The following CLDN14 variants were observed in gnomAD, a reference collection of about 807,000 sequenced individuals.
The protein encoded by CLDN14 is claudin-14.
A neutral mutation model predicts 2.1 loss-of-function variants in CLDN14; 2 were observed. That is an observed-to-expected ratio of 0.96 (90% CI 0.39 to 3.01). The LOEUF (loss-of-function observed/expected upper bound fraction) is 3.01, where lower values mean the gene tolerates loss of function less well. CLDN14 is among the 30% of genes most tolerant of loss of function. The pLI is 0.09. For missense variants in CLDN14, 298 were observed against 328.0 expected (o/e 0.91, Z 0.71); for synonymous variants, 136 against 154.4 (o/e 0.88, Z 0.88).
At chr21:36,556,945 C>T (rs1242952538) in intron 1 of CLDN14, among the ~76,000 whole-genome samples, 1 of 152,160 alleles carries the variant, frequency 6.6e-6, no homozygotes, top group Non-Finnish European at 1.5e-5. Context: ...AAGCAACTGC[C>T]CATTTCTCCC....
chr21:36,505,898 C>G (rs1043413106), intron 2 of CLDN14, among the ~76,000 whole-genome samples: 7 of 152,174 alleles, frequency 4.6e-5, no homozygotes, highest in Admixed American at 2.6e-4. Context: ...TGGCTTTTGT[C>G]TTCTCTGAAA....
chr21:36,558,669 T>G (rs543246564), intron 1 of CLDN14, among the ~76,000 whole-genome samples: 5 of 152,176 alleles, frequency 3.3e-5, no homozygotes, highest in Middle Eastern at 3.4e-3. Context: ...TTCAGATAGT[T>G]TACTGTTGGT....
intron 1 of CLDN14, among the ~76,000 whole-genome samples, chr21:36,574,798 TC>T (rs2087730400): frequency 6.6e-6 from 1 of 152,184 alleles, no homozygotes; most frequent in Non-Finnish European, 1.5e-5. Context: ...AACCATCTTT[TC>T]CATTTATCCT....
At chr21:36,532,797 AT>A (rs1568872117) in intron 1 of CLDN14, among the ~76,000 whole-genome samples, 3 of 152,162 alleles carry the variant, frequency 2.0e-5, no homozygotes, top group African/African-American at 7.2e-5. Flanking sequence ...ACGATCAGAA[AT>A]ATATTTGTCT....
intron 1 of CLDN14, among the ~76,000 whole-genome samples, chr21:36,562,243 A>G (rs2146524456): frequency 1.3e-5 from 2 of 152,246 alleles, no homozygotes; most frequent in Admixed American, 1.3e-4. Flanking sequence ...AGAGGGTGGG[A>G]AATCTGGCAG....
Position 36,498,004 on chromosome 21 carries a change from CT to C in CLDN14, c.-82+12358del, listed in dbSNP as rs891407982. On this transcript the variant is annotated intron_variant, in intron 2 of 2. Coordinates refer to the CLDN14 transcript ENST00000342108. This position sits in a 1 kb window ranked among gnomAD's most constrained non-coding sequence, Gnocchi z 4.9. Reference sequence around the variant, plus strand: ...CACTGTTGTCAGCGAGAGGAAGATGCTTTTTTTTTTTTTGAGATGGAGTTTT... The same window carrying C: ...CACTGTTGTCAGCGAGAGGAAGATGCTTTTTTTTTTTTGAGATGGAGTTTT... 2.2e-3 allele frequency among the ~76,000 whole-genome samples: 317 copies of C among 142,814 alleles called. No individual in the cohort carries two copies. Among genetic ancestry groups the C allele is most frequent in the Middle Eastern group, 3.6e-3 (1 of 276 alleles). 93.7% of individuals were successfully genotyped at this position (142,814 alleles called of 152,430 possible).
intron 2 of CLDN14, among the ~76,000 whole-genome samples, chr21:36,505,565 C>A (rs1043892041): frequency 6.6e-6 from 1 of 152,190 alleles, no homozygotes; most frequent in Non-Finnish European, 1.5e-5. Flanking sequence ...CCTCTGAACC[C>A]ACAGTCAGCA....
intron 1 of CLDN14, among the ~76,000 whole-genome samples, chr21:36,526,092 A>G (rs1441464566): frequency 1.3e-5 from 2 of 152,170 alleles, no homozygotes; most frequent in African/African-American, 4.8e-5. Flanking sequence ...TGAGAACCAC[A>G]GATTGGAATC....
chr21:36,542,822 G>T, intron 1 of CLDN14: 1 of 152,942 alleles, frequency 6.5e-6, no homozygotes. Context: ...TGTGGGCTCC[G>T]AGTCCCTCCC....
rs1311209864 is a variant in CLDN14, at chr21:36,465,036, G to A, written c.-81-3260C>T. Among the ~76,000 whole-genome samples the A allele has an allele frequency of 2.0e-5, 3 of 152,266 alleles. No individual in the cohort carries two copies. The East Asian group carries it at 5.8e-4, about 29-fold the overall frequency. Reference sequence around the variant, plus strand: ...GCAACCAACTGCCCTGCTTTGCTAGGGACTGAGGGGTTGCCCAGGACAGGG... The same window carrying A: ...GCAACCAACTGCCCTGCTTTGCTAGAGACTGAGGGGTTGCCCAGGACAGGG... On this transcript the variant is annotated intron_variant, in intron 1 of 1. Coordinates refer to ENST00000399135, the MANE Select transcript of CLDN14 (RefSeq NM_001146079.2).
At chr21:36,478,784 G>A (rs2086808092) in intron 1 of CLDN14, among the ~76,000 whole-genome samples, 1 of 152,218 alleles carries the variant, frequency 6.6e-6, no homozygotes, top group Non-Finnish European at 1.5e-5. Context: ...TTTGGGGACG[G>A]TCTCAGGACA....
rs1169409606 is a variant in CLDN14 at position 36,479,772 on chromosome 21, T to G, written c.-359A>C. On this transcript the variant is annotated 5_prime_UTR_variant, in exon 1 of 2. It removes an upstream start codon present in the reference 5' UTR. Transcript: ENST00000399135. ...GGAGGTGGCTTGGCCAGAGCAGACA[T>G]TCAAGACCAACCAGAAATGTCATTT... 1 of 152,190 alleles carries G rather than the reference T, an allele frequency of 6.6e-6. No individual in the cohort carries two copies. The highest frequency in any genetic ancestry group is 1.9e-4 in the East Asian group (1 of 5,184). The allele number at this position is 152,190 out of a possible 1,614,324, so 9.4% of individuals were successfully genotyped here. A position where few individuals can be genotyped will look rare whatever the true frequency, so the allele number is the denominator to read the frequency against.
At chr21:36,478,581 C>T (rs1403159070) in intron 1 of CLDN14, among the ~76,000 whole-genome samples, 6 of 152,210 alleles carry the variant, frequency 3.9e-5, no homozygotes, top group South Asian at 2.1e-4. Flanking sequence ...CGGGCATGAA[C>T]GCTGAGCTCA....
chr21:36,515,595 T>G (rs1223866484), intron 1 of CLDN14, among the ~76,000 whole-genome samples: 1 of 149,434 alleles, frequency 6.7e-6, no homozygotes, highest in African/African-American at 2.5e-5. Flanking sequence ...ATCACTTAAA[T>G]CTGGGAGGTG....
chr21:36,522,071 C>A (rs572814133), intron 1 of CLDN14, among the ~76,000 whole-genome samples: 1 of 152,264 alleles, frequency 6.6e-6, no homozygotes, highest in Non-Finnish European at 1.5e-5. Flanking sequence ...CAACTCCAAG[C>A]AAAAATCTTG....
intron 1 of CLDN14, among the ~76,000 whole-genome samples, chr21:36,515,305 A>C (rs1025448484): frequency 6.6e-6 from 1 of 152,190 alleles, no homozygotes; most frequent in Admixed American, 6.5e-5. Flanking sequence ...GAAACAACTC[A>C]ATGTCCATCG....
chr21:36,468,170 T>A (rs536181295), intron 1 of CLDN14, among the ~76,000 whole-genome samples: 6 of 152,342 alleles, frequency 3.9e-5, no homozygotes, highest in African/African-American at 1.4e-4. Context: ...AACATAGTCA[T>A]TGGCCCTTCA....
intron 1 of CLDN14, among the ~76,000 whole-genome samples, chr21:36,527,072 A>G (rs2087337331): frequency 6.6e-6 from 1 of 152,246 alleles, no homozygotes; most frequent in African/African-American, 2.4e-5. Flanking sequence ...ACACCTTAAA[A>G]GGGCAAACTT....
At chr21:36,487,291 GT>G in intron 2 of CLDN14, 1 of 223,876 alleles carries the variant, frequency 4.5e-6, no homozygotes, top group South Asian at 6.4e-5. Context: ...CCTGTTGTGG[GT>G]TTTGAATGAC....
Sources: gnomAD v4.1 joint callset for allele counts (sites outside exome capture counted in the v4.1 genomes callset) on GRCh38, gnomAD v4.1.1 for gene constraint, Gnocchi (gnomAD v3.1) non-coding constraint, MANE v1.5 for transcripts, NCBI Gene and HGNC (gene_info 2026-07-23, HGNC 2026-07-21) for gene names.